The following TMEM87B variants were observed in gnomAD, a reference collection of about 807,000 sequenced individuals.
The protein encoded by TMEM87B is transmembrane protein 87B.
Under a neutral mutation model 80.3 loss-of-function variants are expected in TMEM87B, and 83 were observed. The observed-to-expected ratio is 1.03, with a 90% CI of 0.87 to 1.24. The LOEUF is 1.24. Ranked by LOEUF, TMEM87B falls within the 50% of genes most tolerant of loss-of-function variation. TMEM87B has a pLI of 0.00. For synonymous variants in TMEM87B, 219 were observed against 230.5 expected (o/e 0.95, Z 0.45); for missense variants, 625 against 674.4 (o/e 0.93, Z 0.81).
chr2:112,068,603 C>G (rs1678514015), intron 4 of TMEM87B, among the ~76,000 whole-genome samples: 2 of 151,254 alleles, frequency 1.3e-5, no homozygotes, highest in African/African-American at 4.9e-5. Flanking sequence ...ACTTGGGAGG[C>G]TGAGGCAGGA....
In TMEM87B at chr2:112,107,785, CA is replaced by C; in HGVS notation, c.1525-2del. 6.4e-7 allele frequency: 1 copy of C among 1,563,068 alleles called. No individual in the cohort carries two copies. Among genetic ancestry groups the C allele is most frequent in the Non-Finnish European group, 8.7e-7 (1 of 1,143,790 alleles). ...CAAATGCTAAGTATAAATATTTCTA[CA>C]GGATGAAGATTTGAAGTGGGTAGAA... On this transcript the variant is annotated splice_acceptor_variant, in intron 16 of 18. Coordinates refer to ENST00000283206, the MANE Select transcript of TMEM87B (RefSeq NM_032824.3). LOFTEE classifies it high-confidence loss of function.
chr2:112,086,819 A>G (rs772520779), intron 9 of TMEM87B, among the ~76,000 whole-genome samples: 20 of 152,122 alleles, frequency 1.3e-4, no homozygotes, highest in Non-Finnish European at 2.6e-4. Flanking sequence ...AGCCATGTGC[A>G]TGACCCTTTA....
intron 9 of TMEM87B, among the ~76,000 whole-genome samples, chr2:112,088,295 T>C (rs1573709580): frequency 6.6e-6 from 1 of 152,344 alleles, no homozygotes; most frequent in East Asian, 1.9e-4. Flanking sequence ...ACAGGTGCAG[T>C]GTTGTTACTG....
At chr2:112,115,379 GATGTAGCA>G in intron 18 of TMEM87B, among the ~76,000 whole-genome samples, 1 of 117,216 alleles carries the variant, frequency 8.5e-6, no homozygotes, top group Non-Finnish European at 1.7e-5. Flanking sequence ...ACTACAGAAA[GATGTAGCA>G]TTACAGAAAG....
intron 4 of TMEM87B, among the ~76,000 whole-genome samples, chr2:112,073,360 A>G (rs1242308868): frequency 1.3e-5 from 2 of 152,118 alleles, no homozygotes; most frequent in African/African-American, 4.8e-5. Context: ...TTCATTATTC[A>G]CCCAAAAGTC....
chr2:112,097,028 C>A lies in TMEM87B; in HGVS notation c.1105-16C>A. The A allele has an allele frequency of 6.7e-7, 1 of 1,501,070 alleles. No individual in the cohort carries two copies. The highest frequency in any genetic ancestry group is 9.1e-7 in the Non-Finnish European group (1 of 1,100,768). The allele number at this position is 1,501,070 out of a possible 1,614,324, so 93.0% of individuals were successfully genotyped here. ...TCTTATTATTACTTGGAATGTTTTT[C>A]CTTAACTTTTTTCACATTTTTATTA... On this transcript the variant is annotated splice_polypyrimidine_tract_variant and intron_variant, in intron 11 of 18. Coordinates refer to ENST00000283206, the MANE Select transcript of TMEM87B (RefSeq NM_032824.3).
chr2:112,068,480 G>T (rs1474451259), intron 4 of TMEM87B, among the ~76,000 whole-genome samples: 3 of 152,156 alleles, frequency 2.0e-5, no homozygotes, highest in Non-Finnish European at 4.4e-5. Context: ...CAAGGCGGGT[G>T]GATCATGAGG....
Position 112,060,056 on chromosome 2 carries a change from T to C in TMEM87B, c.226+19T>C. ...TTATCTGGTAAGTATAATAAAACAA[T>C]AAAATACTAGACTGGGCGCAATGGC... On this transcript the variant is annotated intron_variant, in intron 2 of 18. Transcript: ENST00000283206. 1.3e-6 allele frequency: 2 copies of C among 1,545,488 alleles called. No individual in the cohort carries two copies. Among genetic ancestry groups the C allele is most frequent in the Non-Finnish European group, 1.8e-6 (2 of 1,139,414 alleles).
intron 4 of TMEM87B, among the ~76,000 whole-genome samples, chr2:112,074,054 C>T (rs1043417982): frequency 6.6e-6 from 1 of 152,172 alleles, no homozygotes; most frequent in Non-Finnish European, 1.5e-5. Context: ...TCCAGCTTGA[C>T]ATTCTGTGCC....
At chr2:112,081,633 GAT>G (rs762764131) in intron 8 of TMEM87B, 115 bp downstream of exon 8, 62 of 920,374 alleles carry the variant, frequency 6.7e-5, no homozygotes, top group Non-Finnish European at 9.5e-5. Context: ...ATATATTATA[GAT>G]GAAGAGAAGG....
intron 2 of TMEM87B, among the ~76,000 whole-genome samples, chr2:112,063,629 A>T (rs1678324861): frequency 6.6e-6 from 1 of 152,166 alleles, no homozygotes; most frequent in South Asian, 2.1e-4. Context: ...CTCCTCCTCC[A>T]GCAAGCTTAC....
intron 4 of TMEM87B, among the ~76,000 whole-genome samples, chr2:112,072,302 T>G (rs973343558): frequency 6.6e-6 from 1 of 152,192 alleles, no homozygotes; most frequent in African/African-American, 2.4e-5. Flanking sequence ...TAGAATGAGT[T>G]GGGGAGGAGT....
In TMEM87B at chr2:112,096,924, A is replaced by G. The variant is rs532449176; in HGVS notation, c.1105-120A>G. On this transcript the variant is annotated intron_variant, in intron 11 of 18. Coordinates refer to ENST00000283206, the MANE Select transcript of TMEM87B (RefSeq NM_032824.3). ...AGATAACATTTTCTGTGTTTTCATT[A>G]GCTTCAAATTTTAGGAACTGTATTT... is the stretch of plus-strand genomic sequence containing the variant. 2.1e-4 allele frequency: 143 copies of G among 677,954 alleles called. No homozygotes were observed. In the African/African-American group the frequency reaches 2.3e-3, roughly 11 times the overall value. The allele number at this position is 677,954 out of a possible 1,614,324, so 42.0% of individuals were successfully genotyped here. A position where few individuals can be genotyped will look rare whatever the true frequency, so the allele number is the denominator to read the frequency against.
chr2:112,091,799 T>TC lies in TMEM87B; in HGVS notation c.1104+18dup, dbSNP rs1357240710. ...TGTGTGGTTCATATCCTTTACTGTG[T>TC]CCTTCAAAATAGTTTGTTGTATCAT... is the stretch of plus-strand genomic sequence containing the variant. On this transcript the variant is annotated intron_variant, in intron 11 of 18. Coordinates refer to ENST00000283206, the MANE Select transcript of TMEM87B (RefSeq NM_032824.3). 17 of 1,558,460 alleles carry TC rather than the reference T, an allele frequency of 1.1e-5. No individual in the cohort carries two copies. The highest frequency in any genetic ancestry group is 1.5e-5 in the Non-Finnish European group (17 of 1,138,332).
chr2:112,087,304 G>A (rs1325887061), intron 9 of TMEM87B, among the ~76,000 whole-genome samples: 1 of 152,146 alleles, frequency 6.6e-6, no homozygotes, highest in East Asian at 1.9e-4. Context: ...TGCCATTCAT[G>A]ACCCTAAACT....
intron 16 of TMEM87B, 74 bp downstream of exon 16, chr2:112,106,149 C>A: frequency 1.1e-6 from 1 of 928,262 alleles, no homozygotes; most frequent in South Asian, 3.0e-5. Flanking sequence ...ATACGAGTGT[C>A]ATATTCATTG....
Position 112,086,105 on chromosome 2 carries a change from G to GT in TMEM87B, c.938+2dup. On this transcript the variant is annotated splice_donor_variant, in intron 9 of 18. Coordinates refer to ENST00000283206, the MANE Select transcript of TMEM87B (RefSeq NM_032824.3). LOFTEE classifies it high-confidence loss of function. ...TGAGCCTGGGCTATGGCATTGTGAA[G>GT]TAAGTACTGGCGTGTGGGAAAAATG... The GT allele has an allele frequency of 3.1e-6, 5 of 1,613,612 alleles. No individual in the cohort carries two copies. The highest frequency in any genetic ancestry group is 4.2e-6 in the Non-Finnish European group (5 of 1,179,542).
intron 15 of TMEM87B, among the ~76,000 whole-genome samples, chr2:112,102,547 A>G (rs1240362891): frequency 6.6e-6 from 1 of 151,990 alleles, no homozygotes; most frequent in East Asian, 1.9e-4. Context: ...TACAAAAATT[A>G]GCCGGGCGTG....
At chr2:112,062,693 T>A (rs1465393197) in intron 2 of TMEM87B, among the ~76,000 whole-genome samples, 1 of 152,232 alleles carries the variant, frequency 6.6e-6, no homozygotes, top group African/African-American at 2.4e-5. Context: ...TTAAGTTCCT[T>A]GTGGGTCAGT....
Sources: gnomAD v4.1 joint callset for allele counts (sites outside exome capture counted in the v4.1 genomes callset) on GRCh38, gnomAD v4.1.1 for gene constraint, MANE v1.5 for transcripts, NCBI Gene and HGNC (gene_info 2026-07-23, HGNC 2026-07-21) for gene names.